Variants in RTL4 observed in about 807,000 individuals in gnomAD.
The protein encoded by RTL4 is retrotransposon Gag-like protein 4.
A neutral mutation model predicts 5.3 loss-of-function variants in RTL4; 4 were observed. The ratio of observed to expected loss-of-function variants is 0.75; its 90% CI spans 0.37 to 1.72. The LOEUF (loss-of-function observed/expected upper bound fraction) is 1.72, where lower values mean the gene tolerates loss of function less well. RTL4 is among the 40% of genes most tolerant of loss of function. RTL4 has a pLI of 0.04. For synonymous variants in RTL4, 98 were observed against 87.3 expected, an observed-to-expected ratio of 1.12 and a Z score of -0.68; for missense variants, 260 against 227.1, an observed-to-expected ratio of 1.14 and a Z score of -0.93.
the RTL4 span, among the ~76,000 whole-genome samples, chrX:112,303,396 G>A: frequency 9.2e-6 from 1 of 109,166 alleles, no homozygotes; most frequent in Non-Finnish European, 1.9e-5. Flanking sequence ...TGGAGTTTTT[G>A]GATGGCTTAG....
chrX:112,416,322 C>A, the RTL4 span, among the ~76,000 whole-genome samples: 1 of 111,896 alleles, frequency 8.9e-6, no homozygotes, highest in Admixed American at 9.5e-5. Flanking sequence ...GTTAGGACTT[C>A]AATATAGCTT....
chrX:112,425,020 A>C, the RTL4 span, among the ~76,000 whole-genome samples: 4 of 111,250 alleles, frequency 3.6e-5, no homozygotes, highest in East Asian at 2.8e-4. Context: ...AATAGCATGT[A>C]TCTATTGTTG....
the RTL4 span, among the ~76,000 whole-genome samples, chrX:112,417,057 G>T: frequency 1.8e-5 from 2 of 111,524 alleles, no homozygotes; most frequent in African/African-American, 6.5e-5. Flanking sequence ...TGATGTTAGG[G>T]ATATAATTAG....
the RTL4 span, among the ~76,000 whole-genome samples, chrX:112,173,086 G>T: frequency 9.1e-6 from 1 of 109,851 alleles, no homozygotes; most frequent in South Asian, 4.0e-4. Flanking sequence ...GTTCATTAGT[G>T]CAGCAAACCA....
At chrX:112,260,981 C>T in the RTL4 span, among the ~76,000 whole-genome samples, 24,683 of 111,017 alleles carry the variant, frequency 0.22, 2,278 homozygotes, top group African/African-American at 0.36. Flanking sequence ...TCTGTCCCCT[C>T]ATCCTTGAGG....
chrX:112,154,306 A>AT, the RTL4 span, among the ~76,000 whole-genome samples: 1 of 111,691 alleles, frequency 9.0e-6, no homozygotes, highest in Admixed American at 9.5e-5. Context: ...GTTGATTTAA[A>AT]TTTTTTTGTC....
At chrX:112,400,107 A>G in the RTL4 span, among the ~76,000 whole-genome samples, 1 of 110,789 alleles carries the variant, frequency 9.0e-6, no homozygotes, top group Non-Finnish European at 1.9e-5. Context: ...TCTTATATCT[A>G]CTGATTTATA....
At chrX:112,294,986 A>T in the RTL4 span, among the ~76,000 whole-genome samples, 1 of 112,322 alleles carries the variant, frequency 8.9e-6, no homozygotes, top group African/African-American at 3.2e-5. Flanking sequence ...CAATAATCAA[A>T]TATTGCTACA....
chrX:112,436,698 G>A, the RTL4 span, among the ~76,000 whole-genome samples: 1 of 109,637 alleles, frequency 9.1e-6, no homozygotes, highest in African/African-American at 3.3e-5. Flanking sequence ...TGGAACTTTC[G>A]GAGTAAATTT....
At chrX:112,137,586 G>T in the RTL4 span, among the ~76,000 whole-genome samples, 1 of 111,477 alleles carries the variant, frequency 9.0e-6, no homozygotes, top group Non-Finnish European at 1.9e-5. Flanking sequence ...TGATCCAATT[G>T]CCTCTCTTTC....
At chrX:112,273,957 G>T in the RTL4 span, among the ~76,000 whole-genome samples, 3 of 112,170 alleles carry the variant, frequency 2.7e-5, no homozygotes, top group South Asian at 1.1e-3. Flanking sequence ...GTACTATGTT[G>T]AAGGTTTTAT....
chrX:112,158,059 T>A, the RTL4 span, among the ~76,000 whole-genome samples: 1 of 111,073 alleles, frequency 9.0e-6, no homozygotes, highest in African/African-American at 3.3e-5. Flanking sequence ...CACACTGGCC[T>A]GGCCCAACCT....
At chrX:112,365,671 T>G in the RTL4 span, among the ~76,000 whole-genome samples, 14 of 111,721 alleles carry the variant, frequency 1.3e-4, no homozygotes, top group African/African-American at 4.5e-4. Flanking sequence ...GAAAATGGCC[T>G]TCTGACTTGA....
the RTL4 span, among the ~76,000 whole-genome samples, chrX:112,083,782 C>T: frequency 9.0e-6 from 1 of 111,446 alleles, no homozygotes; most frequent in Non-Finnish European, 1.9e-5. Flanking sequence ...CTCAGAATGT[C>T]CACCCTCTTG....
At chrX:112,124,370 C>T in the RTL4 span, among the ~76,000 whole-genome samples, 399 of 111,437 alleles carry the variant, frequency 3.6e-3, 7 homozygotes, top group African/African-American at 0.012. Flanking sequence ...TGCATGCACA[C>T]GTATGTTTAT....
chrX:112,312,416 G>A, the RTL4 span, among the ~76,000 whole-genome samples: 1 of 112,020 alleles, frequency 8.9e-6, no homozygotes, highest in African/African-American at 3.2e-5. Flanking sequence ...TTCAGCTGTA[G>A]AATAAGTTAA....
the RTL4 span, among the ~76,000 whole-genome samples, chrX:112,325,982 CA>C: frequency 8.9e-6 from 1 of 112,105 alleles, no homozygotes; most frequent in Non-Finnish European, 1.9e-5. Flanking sequence ...AACAAGTGGG[CA>C]AAGGACATGA....
At chrX:112,180,673 C>T in the RTL4 span, among the ~76,000 whole-genome samples, 2 of 111,974 alleles carry the variant, frequency 1.8e-5, no homozygotes, top group Non-Finnish European at 3.8e-5. Context: ...AGAGCAATCT[C>T]TTTAAATTGT....
the RTL4 span, among the ~76,000 whole-genome samples, chrX:112,259,184 C>G: frequency 0.22 from 24,565 of 110,725 alleles, 2,267 homozygotes; most frequent in African/African-American, 0.36. Flanking sequence ...TAAATTAATA[C>G]ACTAAATTTT....
Sources: gnomAD v4.1 joint callset for allele counts (sites outside exome capture counted in the v4.1 genomes callset) on GRCh38, gnomAD v4.1.1 for gene constraint, MANE v1.5 for transcripts, NCBI Gene and HGNC (gene_info 2026-07-23, HGNC 2026-07-21) for gene names.